Variants in NDFIP1 observed in about 807,000 individuals in gnomAD.
NDFIP1 encodes the protein Nedd4 family interacting protein 1.
A neutral mutation model predicts 28.8 loss-of-function variants in NDFIP1; 7 were observed. The ratio of observed to expected loss-of-function variants is 0.24; its 90% CI spans 0.14 to 0.46. The LOEUF (loss-of-function observed/expected upper bound fraction) is 0.46, where lower values mean the gene tolerates loss of function less well. Among genes scored for constraint, NDFIP1 ranks in the 20% least tolerant of loss-of-function variants. The pLI, the probability that NDFIP1 is intolerant of heterozygous loss-of-function variation, is 0.99. For synonymous variants in NDFIP1, 92 were observed against 101.0 expected, an observed-to-expected ratio of 0.91 and a Z score of 0.53; for missense variants, 194 against 269.1, an observed-to-expected ratio of 0.72 and a Z score of 1.95.
At chr5:142,143,138 C>T (rs1757353623) in intron 6 of NDFIP1, 1 of 151,464 alleles carries the variant, frequency 6.6e-6, no homozygotes, top group African/African-American at 2.4e-5. Flanking sequence ...TTTATTTGTT[C>T]CACAGTTATT....
At chr5:142,116,496 G>A (rs1055331031) in intron 1 of NDFIP1, among the ~76,000 whole-genome samples, 1 of 151,960 alleles carries the variant, frequency 6.6e-6, no homozygotes. Context: ...AGCCTCTGGA[G>A]TAGCTGGGAC....
intron 2 of NDFIP1, 56 bp from the exon 3 acceptor site, chr5:142,132,156 C>T: frequency 6.3e-7 from 1 of 1,589,800 alleles, no homozygotes; most frequent in Non-Finnish European, 8.6e-7. Flanking sequence ...TAGTGGAACT[C>T]CTTTTATTTC....
At chr5:142,126,014 T>G (rs13176729) in intron 1 of NDFIP1, among the ~76,000 whole-genome samples, 22,697 of 152,180 alleles carry the variant, frequency 0.15, 2,287 homozygotes, top group African/African-American at 0.29. Flanking sequence ...CTTCCCCTAA[T>G]TAATAACAAT....
At chr5:142,148,425 A>C (rs559892859) in intron 7 of NDFIP1, among the ~76,000 whole-genome samples, 1 of 152,308 alleles carries the variant, frequency 6.6e-6, no homozygotes, top group African/African-American at 2.4e-5. Context: ...GCCAGAAGGA[A>C]CTGCTAAAGG....
intron 1 of NDFIP1, among the ~76,000 whole-genome samples, chr5:142,110,674 C>T (rs1437037255): frequency 6.6e-6 from 1 of 151,970 alleles, no homozygotes; most frequent in African/African-American, 2.4e-5. Context: ...CTGCAAAACC[C>T]TCCCTAAACA....
At chr5:142,133,867 A>G (rs974389136) in intron 3 of NDFIP1, among the ~76,000 whole-genome samples, 1 of 152,250 alleles carries the variant, frequency 6.6e-6, no homozygotes, top group Non-Finnish European at 1.5e-5. Flanking sequence ...ACTAAGACAC[A>G]TAAGAGCAGT....
intron 1 of NDFIP1, among the ~76,000 whole-genome samples, chr5:142,113,406 A>G (rs921378892): frequency 6.6e-6 from 1 of 152,194 alleles, no homozygotes; most frequent in African/African-American, 2.4e-5. Context: ...TTTCAGTTTC[A>G]AAAGAAGTTA....
At chr5:142,131,048 G>T (rs943193179) in intron 1 of NDFIP1, among the ~76,000 whole-genome samples, 69 of 151,782 alleles carry the variant, frequency 4.5e-4, no homozygotes, top group Non-Finnish European at 8.8e-4. Flanking sequence ...ACGACCTCCT[G>T]GGTTCAAGCC....
rs1596794542 is a variant in NDFIP1 at position 142,142,965 on chromosome 5, ATATT to A, written c.563-1605_563-1602del. ...AATATATATATATATATATATATAT[ATATT>A]AATAAGAGTTTGGATACACTTATGA... On this transcript the variant is annotated intron_variant, in intron 6 of 7. Transcript: ENST00000253814. 5 of 137,586 alleles carry A rather than the reference ATATT, an allele frequency of 3.6e-5. 1 individual carries two copies. The highest frequency in any genetic ancestry group is 1.1e-4 in the African/African-American group (4 of 37,616). The allele number at this position is 137,586 out of a possible 1,614,324, so 8.5% of individuals were successfully genotyped here.
chr5:142,144,786 A>G, intron 7 of NDFIP1, 110 bp downstream of exon 7: 1 of 626,828 alleles, frequency 1.6e-6, no homozygotes, highest in African/African-American at 1.9e-5. Context: ...GAGAAAGTAA[A>G]GAAGGCACAG....
Position 142,136,570 on chromosome 5 carries a change from C to T in NDFIP1, c.370+753C>T, listed in dbSNP as rs183180550. ...AGGAGTTCGAGACCAGCCTGGCCAC[C>T]ATGGTGAAACCCCATCTCTACTAAA... On this transcript the variant is annotated intron_variant, in intron 4 of 7. Coordinates refer to ENST00000253814, the MANE Select transcript of NDFIP1 (RefSeq NM_030571.4). 4.8e-3 allele frequency among the ~76,000 whole-genome samples: 671 copies of T among 138,400 alleles called. 6 individuals are homozygous for T. The highest frequency in any genetic ancestry group is 0.016 in the African/African-American group (649 of 40,978). 90.8% of individuals were successfully genotyped at this position (138,400 alleles called of 152,430 possible).
intron 1 of NDFIP1, among the ~76,000 whole-genome samples, chr5:142,115,254 A>C (rs1219840765): frequency 6.6e-6 from 1 of 152,198 alleles, no homozygotes; most frequent in African/African-American, 2.4e-5. Context: ...CCTTTAAGCA[A>C]GTACAACAGC....
chr5:142,146,215 AT>A (rs1274449388), intron 7 of NDFIP1, among the ~76,000 whole-genome samples: 1 of 152,178 alleles, frequency 6.6e-6, no homozygotes, highest in African/African-American at 2.4e-5. Context: ...AAAAACTAGT[AT>A]TCATTATTAA....
chr5:142,130,654 C>T (rs570875613), intron 1 of NDFIP1, among the ~76,000 whole-genome samples: 3 of 151,410 alleles, frequency 2.0e-5, no homozygotes, highest in African/African-American at 7.3e-5. Flanking sequence ...AATTGTGCCA[C>T]TGCACTCCTG....
intron 7 of NDFIP1, among the ~76,000 whole-genome samples, chr5:142,147,085 A>T (rs1490353268): frequency 6.6e-6 from 1 of 152,188 alleles, no homozygotes; most frequent in Non-Finnish European, 1.5e-5. Context: ...GGAGGGCATA[A>T]TAGAGTTTAT....
intron 6 of NDFIP1, among the ~76,000 whole-genome samples, chr5:142,141,168 CTTTTTTTT>C (rs1161113130): frequency 1.7e-5 from 1 of 59,940 alleles, no homozygotes; most frequent in African/African-American, 6.4e-5. Context: ...GGCAAGAGGA[CTTTTTTTT>C]TTTTTTTTTT....
chr5:142,144,748 GAGTA>G (rs1376011297), intron 7 of NDFIP1, 72 bp downstream of exon 7: 6 of 1,006,996 alleles, frequency 6.0e-6, no homozygotes, highest in African/African-American at 3.3e-5. Context: ...TTCAGTTTTA[GAGTA>G]AGTATCTGTG....
intron 7 of NDFIP1, among the ~76,000 whole-genome samples, chr5:142,147,365 A>C (rs1449069672): frequency 1.3e-5 from 2 of 152,198 alleles, no homozygotes; most frequent in Non-Finnish European, 2.9e-5. Flanking sequence ...GAGGACATTT[A>C]GTTTAATTTT....
At chr5:142,141,788 G>C (rs1160139131) in intron 6 of NDFIP1, among the ~76,000 whole-genome samples, 1 of 152,030 alleles carries the variant, frequency 6.6e-6, no homozygotes, top group Non-Finnish European at 1.5e-5. Context: ...TTCTGCTAAT[G>C]GTTCTGGCTA....
Sources: gnomAD v4.1 joint callset for allele counts (sites outside exome capture counted in the v4.1 genomes callset) on GRCh38, gnomAD v4.1.1 for gene constraint, MANE v1.5 for transcripts, NCBI Gene and HGNC (gene_info 2026-07-23, HGNC 2026-07-21) for gene names.